Variants in ABCB8 observed in about 807,000 individuals in gnomAD.
ABCB8 encodes the protein ATP binding cassette subfamily B member 8.
ABCB8 carries 52 observed loss-of-function variants against 73.0 expected under a neutral mutation model. The ratio of observed to expected loss-of-function variants is 0.71; its 90% CI spans 0.57 to 0.90. The LOEUF (loss-of-function observed/expected upper bound fraction) is 0.90, where lower values mean the gene tolerates loss of function less well. Among genes scored for constraint, ABCB8 ranks in the 40% least tolerant of loss-of-function variants. The probability of loss-of-function intolerance (pLI) is 0.00; values close to 1 mark genes in which losing one functional copy is unlikely to be tolerated. For synonymous variants in ABCB8, 428 were observed against 423.5 expected (o/e 1.01, Z -0.13); for missense variants, 909 against 974.6 (o/e 0.93, Z 0.90).
chr7:151,033,228 A>C (rs562440991), intron 1 of ABCB8: 13 of 411,640 alleles, frequency 3.2e-5, no homozygotes, highest in African/African-American at 2.5e-4. Context: ...GGTCCCTTAA[A>C]CCCCCGGCCC....
chr7:151,041,622 G>A (rs1157636947), intron 13 of ABCB8, among the ~76,000 whole-genome samples: 1 of 152,182 alleles, frequency 6.6e-6, no homozygotes, highest in Non-Finnish European at 1.5e-5. Flanking sequence ...TTTGAGGGCC[G>A]TGAATGAAGA....
At position 151,045,498 on chromosome 7, in the gene ABCB8, G is replaced by A. The variant is rs892449307; in HGVS notation, c.*149G>A. 39 of 1,068,948 alleles carry A rather than the reference G, an allele frequency of 3.6e-5. 1 individual carries two copies. Among genetic ancestry groups the A allele is most frequent in the East Asian group, 1.6e-4 (5 of 30,862 alleles). The allele number at this position is 1,068,948 out of a possible 1,614,324, so 66.2% of individuals were successfully genotyped here. On this transcript the variant is annotated 3_prime_UTR_variant, in exon 16 of 16. Transcript: ENST00000358849. ...TCCTGCTCACAATAAAGCCGGGGCC[G>A]AGCAGCTGGCAGGGGAGGCCAATCC... is the stretch of plus-strand genomic sequence containing the variant.
Position 151,037,707 on chromosome 7 carries a change from C to G in ABCB8, c.1217+1058C>G, listed in dbSNP as rs116038610. On this transcript the variant is annotated intron_variant, in intron 9 of 15. Transcript: ENST00000358849. ...CACCCCATTCTACTGAGGCATGTGT[C>G]CTCGCCCTGCTGCATGGTGCACCCC... 2,992 of 317,758 alleles carry G rather than the reference C, an allele frequency of 9.4e-3. 48 individuals carry two copies. Among genetic ancestry groups the G allele is most frequent in the African/African-American group, 0.053 (2,416 of 46,006 alleles). The allele number at this position is 317,758 out of a possible 1,614,324, so 19.7% of individuals were successfully genotyped here.
chr7:151,036,502 T>C (rs1796313212), intron 8 of ABCB8, 42 bp from the exon 9 acceptor site: 1 of 1,539,646 alleles, frequency 6.5e-7, no homozygotes, highest in African/African-American at 1.4e-5. Context: ...GGCTGTTTCC[T>C]CTGCCCTGGC....
At chr7:151,033,127 G>A (rs1334680990) in intron 1 of ABCB8, 3 of 458,024 alleles carry the variant, frequency 6.5e-6, no homozygotes, top group South Asian at 1.5e-5. Flanking sequence ...TTAGCTCCAG[G>A]AGGTGGGGCT....
In ABCB8 at chr7:151,031,851, T is replaced by C. The variant is rs544783271; in HGVS notation, c.96-1754T>C. 9.9e-5 allele frequency among the ~76,000 whole-genome samples: 15 copies of C among 152,272 alleles called. No individual in the cohort carries two copies. In the South Asian group the frequency reaches 3.1e-3, roughly 32 times the overall value. ...TTGATCTAGAACTCCTGGCCTCAAA[T>C]GATCCACCCGCCTCAGCCTCCCAAA... On this transcript the variant is annotated intron_variant, in intron 1 of 15. Coordinates refer to ENST00000358849, the MANE Select transcript of ABCB8 (RefSeq NM_007188.5).
intron 9 of ABCB8, 73 bp from the exon 10 acceptor site, chr7:151,040,195 A>C (rs1584955095): frequency 5.1e-6 from 8 of 1,564,320 alleles, no homozygotes; most frequent in Non-Finnish European, 6.9e-6. Flanking sequence ...CCCCCGCCCC[A>C]CCGTGGCTTC....
At chr7:151,037,163 C>T in intron 9 of ABCB8, 1 of 702,934 alleles carries the variant, frequency 1.4e-6, no homozygotes, top group Non-Finnish European at 2.6e-6. Flanking sequence ...GATTTGACAA[C>T]TCTAGGGACG....
chr7:151,045,171 C>T (rs772196562), intron 15 of ABCB8, 38 bp from the exon 16 acceptor site: 2 of 1,504,604 alleles, frequency 1.3e-6, no homozygotes, highest in Admixed American at 2.2e-5. Context: ...GCCTGCATGC[C>T]TTGGAGCAAC....
chr7:151,037,761 C>G (rs141817085), intron 9 of ABCB8: 2,850 of 227,762 alleles, frequency 0.013, 44 homozygotes, highest in South Asian at 0.049. Context: ...ATCAGAACCC[C>G]TCACTGCAGG....
At chr7:151,037,500 CT>C in intron 9 of ABCB8, 3 of 600,980 alleles carry the variant, frequency 5.0e-6, no homozygotes, top group Non-Finnish European at 8.9e-6. Flanking sequence ...GGCCTCCCCC[CT>C]CCTATCTCTT....
At chr7:151,028,794 C>G in intron 1 of ABCB8, 184 bp downstream of exon 1, 2 of 1,547,188 alleles carry the variant, frequency 1.3e-6, no homozygotes, top group Non-Finnish European at 1.7e-6. Flanking sequence ...ACTCCAGTCG[C>G]CAGCAGGAGG....
intron 9 of ABCB8, 200 bp downstream of exon 9, chr7:151,036,849 G>A (rs759483132): frequency 6.6e-6 from 5 of 758,310 alleles, no homozygotes; most frequent in South Asian, 4.1e-5. Context: ...TGGGGCAGTG[G>A]CGCTGCAGCA....
rs147299198 is a variant in ABCB8, at chr7:151,042,690, A to G, written c.1765+582A>G. Among the ~76,000 whole-genome samples, 1,109 of 152,284 alleles carry G rather than the reference A, an allele frequency of 7.3e-3. 11 individuals carry two copies. The highest frequency in any genetic ancestry group is 0.012 in the Non-Finnish European group (788 of 68,014). On this transcript the variant is annotated intron_variant, in intron 14 of 15. Transcript: ENST00000358849. ...GTGCGGAGCTCCCAGGTCTTTTTCC[A>G]GCCTTCGGGGCCATGTTTCTCGGCC...
At chr7:151,037,000 G>A in intron 9 of ABCB8, 1 of 687,494 alleles carries the variant, frequency 1.5e-6, no homozygotes. Context: ...GCAGCTCATG[G>A]GCAGTGGGTG....
chr7:151,043,416 G>A (rs1307105938), intron 14 of ABCB8, among the ~76,000 whole-genome samples: 1 of 146,090 alleles, frequency 6.8e-6, no homozygotes, highest in African/African-American at 2.5e-5. Flanking sequence ...AGAGGCAGGA[G>A]GAGGGTGCAC....
rs374963659 is a variant in ABCB8 at position 151,033,571 on chromosome 7, G to T, written c.96-34G>T. The stretch of plus-strand genomic sequence containing the variant: ...GCTGGTCAGCAGGAGGGCAGTCGGA[G>T]CCTCAAGCCATCCATGCCTCTCTCT... On this transcript the variant is annotated intron_variant, in intron 1 of 15. Coordinates refer to ENST00000358849, the MANE Select transcript of ABCB8 (RefSeq NM_007188.5). 5.9e-6 allele frequency: 9 copies of T among 1,523,266 alleles called. No individual in the cohort carries two copies. In the African/African-American group the frequency reaches 1.2e-4, roughly 21 times the overall value. 94.4% of individuals were successfully genotyped at this position (1,523,266 alleles called of 1,614,324 possible). A position where few individuals can be genotyped will look rare whatever the true frequency, so the allele number is the denominator to read the frequency against.
intron 15 of ABCB8, 143 bp downstream of exon 15, chr7:151,044,364 G>C (rs1240831056): frequency 1.5e-6 from 2 of 1,361,394 alleles, no homozygotes; most frequent in Non-Finnish European, 2.0e-6. Context: ...GTCCCATATA[G>C]AGTCAGGAGT....
chr7:151,035,539 G>A (rs753416228), intron 5 of ABCB8, 42 bp from the exon 6 acceptor site: 23 of 1,547,990 alleles, frequency 1.5e-5, no homozygotes, highest in Non-Finnish European at 1.8e-5. Flanking sequence ...TCCTGTCATG[G>A]TGCGGACGCC....
Sources: gnomAD v4.1 joint callset for allele counts (sites outside exome capture counted in the v4.1 genomes callset) on GRCh38, gnomAD v4.1.1 for gene constraint, MANE v1.5 for transcripts, NCBI Gene and HGNC (gene_info 2026-07-23, HGNC 2026-07-21) for gene names.